The following TPM3 variants were observed in gnomAD, a reference collection of about 807,000 sequenced individuals.
The protein encoded by TPM3 is tropomyosin alpha-3 chain.
A neutral mutation model predicts 43.1 loss-of-function variants in TPM3; 16 were observed. The observed-to-expected ratio is 0.37, with a 90% confidence interval of 0.25 to 0.56. TPM3 has a LOEUF of 0.56. Among genes scored for constraint, TPM3 ranks in the 20% least tolerant of loss-of-function variants. The pLI is 0.77. For synonymous variants in TPM3, 101 were observed against 116.9 expected (o/e 0.86, Z 0.88); for missense variants, 176 against 337.2 (o/e 0.52, Z 3.74).
Position 154,166,414 on chromosome 1 carries a change from T to C in TPM3, c.*1523A>G, listed in dbSNP as rs1660966289. 2 of 560,058 alleles carry C rather than the reference T, an allele frequency of 3.6e-6. No individual in the cohort carries two copies. The highest frequency in any genetic ancestry group is 5.9e-5 in the East Asian group (1 of 17,012). 34.7% of individuals were successfully genotyped at this position (560,058 alleles called of 1,614,324 possible). A position where few individuals can be genotyped will look rare whatever the true frequency, so the allele number is the denominator to read the frequency against. On this transcript the variant is annotated 3_prime_UTR_variant, in exon 10 of 10. Coordinates refer to ENST00000651641, the MANE Select transcript of TPM3 (RefSeq NM_152263.4). ...GTTCTCCACTCCCAGGAGGTCACCA[T>C]ACTGATGCCAAATTTAGTGAGGACA...
At chr1:154,184,968 G>A (rs2148287060) in intron 2 of TPM3, among the ~76,000 whole-genome samples, 2 of 151,810 alleles carry the variant, frequency 1.3e-5, no homozygotes, top group Middle Eastern at 6.8e-3. Context: ...AGCCAGACAT[G>A]AGTGCCTGTA....
chr1:154,190,033 C>T (rs1306230719), intron 2 of TPM3, among the ~76,000 whole-genome samples: 1 of 152,030 alleles, frequency 6.6e-6, no homozygotes, highest in Non-Finnish European at 1.5e-5. Context: ...CCTCCGCCTC[C>T]TGGGTTCAAG....
intron 5 of TPM3, chr1:154,172,070 T>C: frequency 1.2e-6 from 2 of 1,614,168 alleles, no homozygotes; most frequent in Non-Finnish European, 1.7e-6. Context: ...TTCTGGTCCA[T>C]CAGTCTAATC....
intron 3 of TPM3, among the ~76,000 whole-genome samples, chr1:154,175,357 C>G (rs1198894871): frequency 6.9e-6 from 1 of 144,470 alleles, no homozygotes; most frequent in Non-Finnish European, 1.5e-5. Context: ...AAAAAATTAG[C>G]TGGAGAACTT....
At position 154,191,101 on chromosome 1, in the gene TPM3, C is replaced by T. The variant is rs1420677503; in HGVS notation, c.243+85G>A. 9.3e-6 allele frequency: 15 copies of T among 1,606,050 alleles called. No individual in the cohort carries two copies. The Admixed American group carries it at 1.3e-4, about 14-fold the overall frequency. On this transcript the variant is annotated intron_variant, in intron 2 of 9. Transcript: ENST00000651641. ...TATATGTCTGTGTTCCATGAACCCA[C>T]AAGTGTGTTTGGAATTTCGTCATAC...
In TPM3 at chr1:154,164,829, T is replaced by C. The variant is rs1660768997; in HGVS notation, c.*3108A>G. Among the ~76,000 whole-genome samples the C allele has an allele frequency of 6.6e-6, 1 of 152,216 alleles. No individual in the cohort carries two copies. The highest frequency in any genetic ancestry group is 1.5e-5 in the Non-Finnish European group (1 of 68,032). On this transcript the variant is annotated 3_prime_UTR_variant, in exon 10 of 10. Transcript: ENST00000651641. ...AAAATGGTAACATAAATGGCTGAAATGTGAGAAACACCATGTTAGTGAATC... is the reference window on the plus strand; with the variant it reads ...AAAATGGTAACATAAATGGCTGAAACGTGAGAAACACCATGTTAGTGAATC...
chr1:154,160,615 T>C (rs1660252182), downstream of TPM3, among the ~76,000 whole-genome samples: 1 of 152,182 alleles, frequency 6.6e-6, no homozygotes, highest in Non-Finnish European at 1.5e-5. Context: ...ATTTTGAGTA[T>C]GTATGGGAGG....
intron 8 of TPM3, 88 bp downstream of exon 8, chr1:154,170,312 C>G: frequency 1.4e-6 from 2 of 1,439,112 alleles, no homozygotes; most frequent in Non-Finnish European, 2.0e-6. Flanking sequence ...CTACCAACTT[C>G]CTTTGGTGTA....
downstream of TPM3, chr1:154,157,049 T>C (rs1390237948): frequency 4.9e-6 from 1 of 205,336 alleles, no homozygotes; most frequent in Non-Finnish European, 1.0e-5. Context: ...GCTGAAAACT[T>C]GAACAGCACA....
At chr1:154,155,341 A>G (rs1659687404), downstream of TPM3, 1 of 425,470 alleles carries the variant, frequency 2.4e-6, no homozygotes, top group African/African-American at 2.0e-5. Flanking sequence ...TTCCAGTTTT[A>G]ATTTCTTCTG....
At position 154,165,251 on chromosome 1, in the gene TPM3, G is replaced by A. The variant is rs537109466; in HGVS notation, c.*2686C>T. On this transcript the variant is annotated 3_prime_UTR_variant, in exon 10 of 10. Coordinates refer to ENST00000651641, the MANE Select transcript of TPM3 (RefSeq NM_152263.4). ...ACAAAAATCAGCTGGGCATGGTGGT[G>A]GGTATCTGTAATCACAGCTCCTCGG... is the stretch of plus-strand genomic sequence containing the variant. 6.6e-6 allele frequency among the ~76,000 whole-genome samples: 1 copy of A among 151,884 alleles called. No homozygotes were observed. Among genetic ancestry groups the A allele is most frequent in the South Asian group, 2.1e-4 (1 of 4,806 alleles).
intron 2 of TPM3, among the ~76,000 whole-genome samples, chr1:154,184,886 C>T (rs1571446825): frequency 6.6e-6 from 1 of 151,890 alleles, no homozygotes; most frequent in African/African-American, 2.4e-5. Context: ...TGCCTCCAGT[C>T]TGGGTGACAG....
chr1:154,175,491 T>G (rs1662204001), intron 3 of TPM3, among the ~76,000 whole-genome samples: 1 of 152,144 alleles, frequency 6.6e-6, no homozygotes. Context: ...ATTCTAATAA[T>G]GCAACCAGCG....
rs1419747203 is a variant in TPM3, at chr1:154,169,291, T to C, written c.854+14A>G. On this transcript the variant is annotated intron_variant, in intron 9 of 9. Coordinates refer to ENST00000651641, the MANE Select transcript of TPM3 (RefSeq NM_152263.4). ...AGCCAAGATCCCAGCCCCACTCTACTGTCAGATAGTTACATAGAGGTCATG... is the reference window on the plus strand; with the variant it reads ...AGCCAAGATCCCAGCCCCACTCTACCGTCAGATAGTTACATAGAGGTCATG... 6.2e-7 allele frequency: 1 copy of C among 1,613,850 alleles called. No homozygotes were observed. The highest frequency in any genetic ancestry group is 8.5e-7 in the Non-Finnish European group (1 of 1,179,824).
At chr1:154,181,856 G>GGTT (rs1571437380) in intron 2 of TPM3, among the ~76,000 whole-genome samples, 2 of 152,150 alleles carry the variant, frequency 1.3e-5, no homozygotes, top group African/African-American at 4.8e-5. Context: ...GGGAGGCGGA[G>GGTT]GTTGCAATGA....
intron 5 of TPM3, 86 bp from the exon 6 acceptor site, chr1:154,171,574 A>G (rs1199277076): frequency 7.0e-7 from 1 of 1,433,474 alleles, no homozygotes; most frequent in African/African-American, 1.5e-5. Flanking sequence ...ACGTGAATTG[A>G]ACCTATATGT....
chr1:154,167,190 G>A lies in TPM3; in HGVS notation c.*747C>T, dbSNP rs1185362617. ...GTCACACACTAGCAGGCAAATGGTA[G>A]CAAGTCTCAAATATGTAAGAAAGGT... On this transcript the variant is annotated 3_prime_UTR_variant, in exon 10 of 10. Transcript: ENST00000651641. 1.8e-6 allele frequency: 1 copy of A among 557,584 alleles called. No individual in the cohort carries two copies. Among genetic ancestry groups the A allele is most frequent in the Non-Finnish European group, 2.3e-6 (1 of 439,376 alleles). The allele number at this position is 557,584 out of a possible 1,614,324, so 34.5% of individuals were successfully genotyped here.
chr1:154,174,979 A>C (rs1662129233), intron 3 of TPM3, among the ~76,000 whole-genome samples: 1 of 152,122 alleles, frequency 6.6e-6, no homozygotes. Context: ...TATTTTCAAA[A>C]ACATGAGTTA....
intron 8 of TPM3, chr1:154,169,845 A>G (rs1339939850): frequency 3.8e-6 from 1 of 262,548 alleles, no homozygotes; most frequent in Non-Finnish European, 7.4e-6. Flanking sequence ...GAGTGTACCA[A>G]AGGAGCATAC....
Sources: allele counts gnomAD v4.1 joint callset (sites outside exome capture counted in the v4.1 genomes callset), GRCh38; gene constraint gnomAD v4.1.1; transcripts MANE v1.5; gene names NCBI Gene and HGNC (gene_info 2026-07-23, HGNC 2026-07-21).